MIP: variants seen among roughly 807,000 people sequenced by gnomAD.
The protein encoded by MIP is lens fiber major intrinsic protein.
In MIP, 14 loss-of-function variants were observed where a neutral mutation model predicts 21.8. The ratio of observed to expected loss-of-function variants is 0.64; its 90% CI spans 0.42 to 1.00. The LOEUF is 1.00. MIP is among the 50% of genes least tolerant of loss of function. MIP has a pLI of 0.00. For synonymous variants in MIP, 133 were observed against 141.4 expected, an observed-to-expected ratio of 0.94 and a Z score of 0.42; for missense variants, 260 against 333.5, an observed-to-expected ratio of 0.78 and a Z score of 1.72.
At position 56,451,048 on chromosome 12, in the gene MIP, C is replaced by T. The variant is rs948773672; in HGVS notation, c.*232G>A. On this transcript the variant is annotated 3_prime_UTR_variant, in exon 4 of 4. Transcript: ENST00000652304. The stretch of plus-strand genomic sequence containing the variant: ...TCATATGCACAATCAGCACACACGG[C>T]GAAGGGTGGTGGGATGGGGAGGAAG... 1.1e-5 allele frequency: 6 copies of T among 542,782 alleles called. No individual in the cohort carries two copies. Among genetic ancestry groups the T allele is most frequent in the South Asian group, 6.3e-5 (3 of 47,704 alleles). 33.6% of individuals were successfully genotyped at this position (542,782 alleles called of 1,614,324 possible).
At chr12:56,455,040 C>T (rs1372817576), upstream of MIP, among the ~76,000 whole-genome samples, 1 of 152,126 alleles carries the variant, frequency 6.6e-6, no homozygotes, top group Admixed American at 6.5e-5. Context: ...GCATTTGGGG[C>T]TGAGCTCCTG....
upstream of MIP, among the ~76,000 whole-genome samples, chr12:56,455,607 G>C (rs769624696): frequency 6.6e-5 from 10 of 152,140 alleles, no homozygotes; most frequent in Non-Finnish European, 1.3e-4. Context: ...TCAGATCTGG[G>C]GAAACAGCCG....
chr12:56,451,288 C>G lies in MIP; in HGVS notation c.784G>C (p.Ala262Pro), dbSNP rs1382176904. Residue 262 changes from alanine to proline, a missense_variant, in exon 4 of 4, where the codon GCC (alanine) becomes CCC (proline). Ala to Pro is a conservative substitution (Grantham distance 27). Coordinates refer to ENST00000652304, the MANE Select transcript of MIP (RefSeq NM_012064.4). ...TGEPVELNTQ[A>P]L ...CTATTCAGCTGGAGCTTCTACAGGG[C>G]CTGGGTGTTCAGTTCAACAGGTTCC... The G allele has an allele frequency of 6.2e-7, 1 of 1,613,536 alleles. No homozygotes were observed. Among genetic ancestry groups the G allele is most frequent in the Admixed American group, 1.7e-5 (1 of 60,018 alleles).
chr12:56,454,243 C>T lies in MIP; in HGVS notation c.360+11G>A, dbSNP rs143680568. 6 of 1,613,952 alleles carry T rather than the reference C, an allele frequency of 3.7e-6. No individual in the cohort carries two copies. In the African/African-American group the frequency reaches 8.0e-5, roughly 22 times the overall value. On this transcript the variant is annotated intron_variant, in intron 1 of 3. Transcript: ENST00000652304. ...CACCAGGTTCCCCATCCCCTCTCAG[C>T]CAACCATTACCGTGTTGAGTGCTAG...
rs756268051 is a variant in MIP at position 56,451,338 on chromosome 12, G to T, written c.734C>A (p.Ser245Tyr). Residue 245 changes from serine (S) to tyrosine (Y), a missense_variant, in exon 4 of 4, where the codon TCC (serine) becomes TAC (tyrosine). Ser to Tyr is a moderately radical substitution (Grantham distance 144, BLOSUM62 -2). Coordinates refer to ENST00000652304, the MANE Select transcript of MIP (RefSeq NM_012064.4). ...SVLKGAKPDVSNGQPEVTGEP... is the reference protein window; with the variant it reads ...SVLKGAKPDVYNGQPEVTGEP... ...CCCTGTGACCTCTGGTTGTCCATTG[G>T]AGACATCGGGTTTGGCACCCTTGAG... 1 of 1,614,054 alleles carries T rather than the reference G, an allele frequency of 6.2e-7. No individual in the cohort carries two copies. Among genetic ancestry groups the T allele is most frequent in the Non-Finnish European group, 8.5e-7 (1 of 1,180,026 alleles).
chr12:56,451,802 C>T (rs1466833771), intron 3 of MIP, among the ~76,000 whole-genome samples: 4 of 151,968 alleles, frequency 2.6e-5, no homozygotes, highest in East Asian at 3.9e-4. Context: ...CTGAGACGGG[C>T]GGATCACAAG....
At position 56,453,597 on chromosome 12, in the gene MIP, G is replaced by A. The variant is rs777042872; in HGVS notation, c.519C>T (p.Leu173=). The part of the protein sequence containing the change: ...AVGFSLALGH[L]FGMYYTGAGM... Reference sequence around the variant, plus strand: ...TGCTCTCCTTCCTGCTTACCCCAAAGAGGTGCCCCAGGGCAAGGGAGAAGC... The same window carrying A: ...TGCTCTCCTTCCTGCTTACCCCAAAAAGGTGCCCCAGGGCAAGGGAGAAGC... Residue 173 remains leucine (L), a synonymous_variant, in exon 2 of 4, where the codon CTC becomes CTT. Transcript: ENST00000652304. 2 of 1,614,252 alleles carry A rather than the reference G, an allele frequency of 1.2e-6. No individual in the cohort carries two copies. Among genetic ancestry groups the A allele is most frequent in the Non-Finnish European group, 1.7e-6 (2 of 1,180,040 alleles).
chr12:56,451,229 C>T lies in MIP; in HGVS notation c.*51G>A. 1 of 1,563,208 alleles carries T rather than the reference C, an allele frequency of 6.4e-7. No individual in the cohort carries two copies. Among genetic ancestry groups the T allele is most frequent in the South Asian group, 1.1e-5 (1 of 89,858 alleles). On this transcript the variant is annotated 3_prime_UTR_variant, in exon 4 of 4. Coordinates refer to ENST00000652304, the MANE Select transcript of MIP (RefSeq NM_012064.4). ...TTCTTCATCTAGGGGCTGGCTAAAC[C>T]CCTCCACGTAAACTCAGAAGCTTTC... is the stretch of plus-strand genomic sequence containing the variant.
rs1044812718 is a variant in MIP, at chr12:56,453,154, T to A, written c.526-2A>T. 4.3e-6 allele frequency: 7 copies of A among 1,609,680 alleles called. No individual in the cohort carries two copies. The highest frequency in any genetic ancestry group is 6.0e-6 in the Non-Finnish European group (7 of 1,175,936). ...CATGCCTGCACCAGTATAATACATC[T>A]GCAAAAGAGACAGTTGTAACTGAGA... On this transcript the variant is annotated splice_acceptor_variant, in intron 2 of 3. Transcript: ENST00000652304. LOFTEE classifies it high-confidence loss of function.
chr12:56,454,146 A>G lies in MIP; in HGVS notation c.360+108T>C, dbSNP rs566203833. ...AACACACACATGCTCACACATGCAC[A>G]TATTGTCCCAGACCCCAGGGGAGCT... On this transcript the variant is annotated intron_variant, in intron 1 of 3. Transcript: ENST00000652304. 1.0e-5 allele frequency: 15 copies of G among 1,469,138 alleles called. No individual in the cohort carries two copies. The South Asian group carries it at 1.8e-4, about 17-fold the overall frequency. The allele number at this position is 1,469,138 out of a possible 1,614,324, so 91.0% of individuals were successfully genotyped here.
In MIP at chr12:56,453,120, G is replaced by A. The variant is rs267603586; in HGVS notation, c.558C>T (p.Ala186=). 1 of 1,613,722 alleles carries A rather than the reference G, an allele frequency of 6.2e-7. No individual in the cohort carries two copies. Among genetic ancestry groups the A allele is most frequent in the Non-Finnish European group, 8.5e-7 (1 of 1,179,648 alleles). ...TGAGAATGGCAGGAGCAAAGGAGCG[G>A]GCAGGATTCATGCCTGCACCAGTAT... The part of the protein sequence containing the change: ...MYYTGAGMNP[A]RSFAPAILTG... Residue 186 remains alanine, a synonymous_variant, in exon 3 of 4, where the codon GCC becomes GCT. Transcript: ENST00000652304.
rs1868739129 is a variant in MIP at position 56,454,621 on chromosome 12, G to A, written c.-8C>T. The A allele has an allele frequency of 6.2e-7, 1 of 1,613,686 alleles. No homozygotes were observed. The highest frequency in any genetic ancestry group is 2.2e-5 in the East Asian group (1 of 44,878). On this transcript the variant is annotated 5_prime_UTR_variant, in exon 1 of 4. Coordinates refer to ENST00000652304, the MANE Select transcript of MIP (RefSeq NM_012064.4). ...TGATCGCAGTTCCCACATGGCAGGG[G>A]GGATGGTCACAGTGCCTGGGTCCCT...
In MIP at chr12:56,451,395, C is replaced by T. The variant is rs770704370; in HGVS notation, c.677G>A (p.Arg226Gln). 18 of 1,613,972 alleles carry T rather than the reference C, an allele frequency of 1.1e-5. No homozygotes were observed. Among genetic ancestry groups the T allele is most frequent in the South Asian group, 2.2e-5 (2 of 91,086 alleles). ...SLLYDFLLFP[R>Q]LKSISERLSV... ...CAGTCTCTCAGAAATACTCTTGAGC[C>T]GGGGGAAGAGAAGAAAGTCGTACAG... Residue 226 changes from arginine (R) to glutamine (Q), a missense_variant, in exon 4 of 4, where the codon CGG (arginine) becomes CAG (glutamine). By Grantham distance (43) the Arg-to-Gln change is conservative (BLOSUM62 1). Transcript: ENST00000652304.
In MIP at chr12:56,453,737, C is replaced by T. The variant is rs767456401; in HGVS notation, c.379G>A (p.Val127Met). ...ALNTLHPAVS[V>M]GQATTVEIFL... Reference sequence around the variant, plus strand: ...ATCTCCACTGTGGTTGCCTGGCCCACGCTCACCGCAGGGTGCAACTGTGCA... The same window carrying T: ...ATCTCCACTGTGGTTGCCTGGCCCATGCTCACCGCAGGGTGCAACTGTGCA... Residue 127 changes from valine (V) to methionine (M), a missense_variant, in exon 2 of 4, where the codon GTG (valine) becomes ATG (methionine). Physicochemically the swap from Val to Met is conservative, Grantham distance 21 (BLOSUM62 1). Transcript: ENST00000652304. 4.3e-6 allele frequency: 7 copies of T among 1,613,914 alleles called. No individual in the cohort carries two copies. The highest frequency in any genetic ancestry group is 3.3e-5 in the Admixed American group (2 of 59,986).
Position 56,451,574 on chromosome 12 carries a change from T to C in MIP, c.607-109A>G, listed in dbSNP as rs7953824. On this transcript the variant is annotated intron_variant, in intron 3 of 3. Transcript: ENST00000652304. ...AACAAGATATTGTACACTTGATATC[T>C]ACAATAAACTCACCATTTATTTTCT... 0.43 allele frequency: 363,980 copies of C among 839,064 alleles called. 82,534 individuals are homozygous for C. Among genetic ancestry groups the C allele is most frequent in the East Asian group, 0.6 (24,393 of 40,978 alleles). The allele number at this position is 839,064 out of a possible 1,614,324, so 52.0% of individuals were successfully genotyped here.
intron 3 of MIP, 52 bp from the exon 4 acceptor site, chr12:56,451,517 A>T: frequency 6.6e-7 from 1 of 1,521,652 alleles, no homozygotes; most frequent in Non-Finnish European, 9.1e-7. Flanking sequence ...CAGAGTAGCA[A>T]CGCTGCTCTT....
rs1038658826 is a variant in MIP, at chr12:56,454,452, T to G, written c.162A>C (p.Thr54=). ...TGATGTGGCCCACAGACTGCACCAG[T>G]GTAGCCAGGGCCAAGCCAAATGCCA... ...VAMAFGLALA[T]LVQSVGHISG... is the part of the protein sequence containing the mutation. Residue 54 remains threonine (T), a synonymous_variant, in exon 1 of 4, where the codon ACA becomes ACC. Coordinates refer to ENST00000652304, the MANE Select transcript of MIP (RefSeq NM_012064.4). The G allele has an allele frequency of 6.2e-7, 1 of 1,614,042 alleles. No individual in the cohort carries two copies. Among genetic ancestry groups the G allele is most frequent in the South Asian group, 1.1e-5 (1 of 91,076 alleles).
upstream of MIP, among the ~76,000 whole-genome samples, chr12:56,455,040 C>G (rs1372817576): frequency 6.6e-6 from 1 of 152,126 alleles, no homozygotes; most frequent in African/African-American, 2.4e-5. Context: ...GCATTTGGGG[C>G]TGAGCTCCTG....
chr12:56,456,458 GA>G (rs1283829993), upstream of MIP, among the ~76,000 whole-genome samples: 1 of 152,038 alleles, frequency 6.6e-6, no homozygotes, highest in Non-Finnish European at 1.5e-5. Context: ...CCAACATAAT[GA>G]AACCCCGTCT....
Sources: allele counts gnomAD v4.1 joint callset (sites outside exome capture counted in the v4.1 genomes callset), GRCh38; gene constraint gnomAD v4.1.1; transcripts MANE v1.5; gene names NCBI Gene and HGNC (gene_info 2026-07-23, HGNC 2026-07-21).